Variants in PPP1R12B observed in about 807,000 individuals in gnomAD.
PPP1R12B encodes the protein protein phosphatase 1 regulatory subunit 12B, also known as myosin phosphatase target subunit 2.
PPP1R12B carries 76 observed loss-of-function variants against 126.1 expected under a neutral mutation model. The observed-to-expected ratio is 0.60, with a 90% CI of 0.50 to 0.73. PPP1R12B has a LOEUF of 0.73. Ranked by LOEUF, PPP1R12B falls within the 30% of genes least tolerant of loss-of-function variation. PPP1R12B has a pLI of 0.00. For missense variants in PPP1R12B, 1,052 were observed against 1,205.1 expected (o/e 0.87, Z 1.88); for synonymous variants, 356 against 434.7 (o/e 0.82, Z 2.25).
intron 21 of PPP1R12B, among the ~76,000 whole-genome samples, chr1:202,567,268 A>T (rs905032636): frequency 1.8e-4 from 28 of 152,238 alleles, no homozygotes; most frequent in Non-Finnish European, 1.5e-5. Flanking sequence ...TCTAAAAGAA[A>T]AATGGTATCA....
At chr1:202,430,538 T>G (rs1389326037) in intron 6 of PPP1R12B, among the ~76,000 whole-genome samples, 193 bp from the exon 7 acceptor site, 1 of 152,192 alleles carries the variant, frequency 6.6e-6, no homozygotes, top group Non-Finnish European at 1.5e-5. Flanking sequence ...GGCTTTTCTC[T>G]TCTACCTTGG....
At chr1:202,561,213 G>C (rs1687487684) in intron 19 of PPP1R12B, among the ~76,000 whole-genome samples, 1 of 151,964 alleles carries the variant, frequency 6.6e-6, no homozygotes, top group African/African-American at 2.4e-5. Flanking sequence ...ACATATTTCT[G>C]TCATAAGAAA....
At chr1:202,390,756 A>G (rs199616124) in intron 1 of PPP1R12B, among the ~76,000 whole-genome samples, 27 of 152,024 alleles carry the variant, frequency 1.8e-4, no homozygotes, top group East Asian at 1.7e-3. Context: ...CAGCCTCCCA[A>G]AGTGTTGGGA....
At chr1:202,372,914 G>A (rs752437788) in intron 1 of PPP1R12B, among the ~76,000 whole-genome samples, 2 of 151,950 alleles carry the variant, frequency 1.3e-5, no homozygotes, top group Non-Finnish European at 2.9e-5. Flanking sequence ...TTATATATTA[G>A]CATCTGTTAA....
intron 18 of PPP1R12B, among the ~76,000 whole-genome samples, chr1:202,512,979 C>CA (rs1164277793): frequency 1.3e-5 from 2 of 152,162 alleles, no homozygotes; most frequent in African/African-American, 4.8e-5. Context: ...TCCTTGAAGG[C>CA]AGGGTCTGGA....
chr1:202,451,994 C>T (rs11803806), intron 13 of PPP1R12B, among the ~76,000 whole-genome samples: 5,216 of 150,036 alleles, frequency 0.035, 304 homozygotes, highest in African/African-American at 0.12. Context: ...TCAGACAGGG[C>T]GGCCGGGCAG....
intron 13 of PPP1R12B, among the ~76,000 whole-genome samples, chr1:202,487,625 G>T (rs6672732): frequency 0.47 from 67,224 of 142,474 alleles, 16,046 homozygotes; most frequent in East Asian, 0.72. Context: ...TCTTTTTTTT[G>T]GAGACCTAGT....
intron 19 of PPP1R12B, 184 bp from the exon 20 acceptor site, chr1:202,562,594 T>C (rs1334651804): frequency 1.3e-6 from 1 of 778,724 alleles, no homozygotes; most frequent in Non-Finnish European, 2.3e-6. Flanking sequence ...TCCAAGCTCG[T>C]GCAGTTTAGC....
intron 1 of PPP1R12B, among the ~76,000 whole-genome samples, chr1:202,354,221 G>A (rs1349923410): frequency 2.0e-5 from 3 of 152,120 alleles, no homozygotes; most frequent in Non-Finnish European, 4.4e-5. Flanking sequence ...TAATCAAGAT[G>A]TAGAACGTTA....
intron 23 of PPP1R12B, among the ~76,000 whole-genome samples, chr1:202,572,275 C>T (rs1461233515): frequency 6.6e-6 from 1 of 152,200 alleles, no homozygotes; most frequent in Non-Finnish European, 1.5e-5. Flanking sequence ...ATGCTCAAAC[C>T]TCCTTGGAGC....
intron 13 of PPP1R12B, among the ~76,000 whole-genome samples, chr1:202,467,979 G>A (rs1675276127): frequency 6.6e-6 from 1 of 152,180 alleles, no homozygotes; most frequent in Non-Finnish European, 1.5e-5. Flanking sequence ...GGCCAGTGAT[G>A]ATGAGCATTT....
At chr1:202,499,857 G>A (rs1044130584) in intron 18 of PPP1R12B, among the ~76,000 whole-genome samples, 2 of 152,176 alleles carry the variant, frequency 1.3e-5, no homozygotes, top group African/African-American at 4.8e-5. Context: ...GCCAGGAATG[G>A]CCATAATGTT....
chr1:202,457,604 T>C (rs1474397249), intron 13 of PPP1R12B, among the ~76,000 whole-genome samples: 2 of 151,180 alleles, frequency 1.3e-5, no homozygotes, highest in Admixed American at 1.3e-4. Context: ...CTTGAGGATA[T>C]AACTATTATG....
chr1:202,446,260 T>A (rs1348428412), intron 12 of PPP1R12B, among the ~76,000 whole-genome samples: 20 of 121,750 alleles, frequency 1.6e-4, no homozygotes, highest in Non-Finnish European at 1.4e-4. Flanking sequence ...ATATATATTT[T>A]TTTTTTTTTT....
At position 202,439,012 on chromosome 1, in the gene PPP1R12B, C is replaced by T. The variant is rs574720397; in HGVS notation, c.1458+988C>T. The T allele has an allele frequency of 1.0e-4, 142 of 1,399,176 alleles. No individual in the cohort carries two copies. In the African/African-American group the frequency reaches 1.3e-3, roughly 13 times the overall value. The allele number at this position is 1,399,176 out of a possible 1,614,324, so 86.7% of individuals were successfully genotyped here. A position where few individuals can be genotyped will look rare whatever the true frequency, so the allele number is the denominator to read the frequency against. On this transcript the variant is annotated intron_variant, in intron 10 of 23. Coordinates refer to ENST00000608999, the MANE Select transcript of PPP1R12B (RefSeq NM_002481.4). Reference sequence around the variant, plus strand: ...CCCTGGCCAACCGGAAGCAGGAGTGCGGCAGTGCCCACTACCAGTGGGCGG... The same window carrying T: ...CCCTGGCCAACCGGAAGCAGGAGTGTGGCAGTGCCCACTACCAGTGGGCGG...
chr1:202,369,865 G>A, intron 1 of PPP1R12B: 1 of 155,928 alleles, frequency 6.4e-6, no homozygotes, highest in Admixed American at 6.5e-5. Flanking sequence ...GCACGATCTT[G>A]GCTCACTGCA....
chr1:202,454,125 A>G (rs1673332485), intron 13 of PPP1R12B, among the ~76,000 whole-genome samples: 1 of 152,240 alleles, frequency 6.6e-6, no homozygotes, highest in African/African-American at 2.4e-5. Flanking sequence ...GAAATCAGGT[A>G]GTTTATAAAA....
At chr1:202,496,164 A>G (rs1397577616) in intron 17 of PPP1R12B, among the ~76,000 whole-genome samples, 1 of 152,226 alleles carries the variant, frequency 6.6e-6, no homozygotes. Context: ...TTTTAGAGAA[A>G]AAGTGGAACA....
At chr1:202,442,361 G>A in intron 11 of PPP1R12B, 86 bp from the exon 12 acceptor site, 6 of 1,453,816 alleles carry the variant, frequency 4.1e-6, no homozygotes, top group Non-Finnish European at 5.6e-6. Flanking sequence ...TAGTTTGCCT[G>A]TCTGGCTCTT....
Sources: allele counts gnomAD v4.1 joint callset (sites outside exome capture counted in the v4.1 genomes callset), GRCh38; gene constraint gnomAD v4.1.1; transcripts MANE v1.5; gene names NCBI Gene and HGNC (gene_info 2026-07-23, HGNC 2026-07-21).